DHX32: variants seen among roughly 807,000 people sequenced by gnomAD.
DHX32 encodes DEAH-box helicase 32 (putative).
A neutral mutation model predicts 70.0 loss-of-function variants in DHX32; 51 were observed. That is an observed-to-expected ratio of 0.73 (90% CI 0.58 to 0.92). The LOEUF (loss-of-function observed/expected upper bound fraction) is 0.92. Among genes scored for constraint, DHX32 ranks in the 40% least tolerant of loss-of-function variants. The probability of loss-of-function intolerance (pLI) is 0.00; values close to 1 mark genes in which losing one functional copy is unlikely to be tolerated. For synonymous variants in DHX32, 310 were observed against 315.3 expected (o/e 0.98, Z 0.18); for missense variants, 762 against 891.8 (o/e 0.85, Z 1.85).
chr10:125,889,692 T>C (rs548125911), intron 1 of DHX32, among the ~76,000 whole-genome samples: 1 of 152,294 alleles, frequency 6.6e-6, no homozygotes, highest in Admixed American at 6.5e-5. Context: ...GGCCACACTT[T>C]TGAGAAGCCT....
At chr10:125,884,857 A>C (rs1944334091), upstream of DHX32, among the ~76,000 whole-genome samples, 1 of 152,058 alleles carries the variant, frequency 6.6e-6, no homozygotes, top group Admixed American at 6.6e-5. Flanking sequence ...CAAATACATA[A>C]TTTTAGCACT....
At chr10:125,850,744 C>T (rs965521667) in intron 6 of DHX32, among the ~76,000 whole-genome samples, 9 of 152,214 alleles carry the variant, frequency 5.9e-5, no homozygotes, top group African/African-American at 1.9e-4. Flanking sequence ...GTTCACTTTT[C>T]TTTTCATAAT....
intron 6 of DHX32, among the ~76,000 whole-genome samples, chr10:125,850,341 CTTT>C (rs1564825643): frequency 6.8e-6 from 1 of 146,874 alleles, no homozygotes; most frequent in African/African-American, 2.5e-5. Flanking sequence ...CTTTGACTTT[CTTT>C]TCTTTCTTTC....
At chr10:125,877,106 T>C (rs115672188) in intron 1 of DHX32, among the ~76,000 whole-genome samples, 2,630 of 152,284 alleles carry the variant, frequency 0.017, 86 homozygotes, top group African/African-American at 0.06. Flanking sequence ...GGAATCTGGG[T>C]GAACAACATA....
intron 1 of DHX32, among the ~76,000 whole-genome samples, chr10:125,890,902 C>G (rs1471532389): frequency 6.6e-6 from 1 of 152,032 alleles, no homozygotes; most frequent in East Asian, 1.9e-4. Flanking sequence ...GAGACCCCGT[C>G]TCACTTAAAA....
rs751339860 is a variant in DHX32 at position 125,866,940 on chromosome 10, C to T, written c.476+50G>A. ...ATAATGCTCCTTCAGAATTGTAGAA[C>T]CTAAGCCAAGAATCATCAGCAGGGA... On this transcript the variant is annotated intron_variant, in intron 2 of 10. Coordinates refer to ENST00000284690, the MANE Select transcript of DHX32 (RefSeq NM_018180.3). This position sits in a 1 kb window ranked among gnomAD's most constrained non-coding sequence, Gnocchi z 4.8. 6.4e-7 allele frequency: 1 copy of T among 1,564,482 alleles called. No homozygotes were observed. Among genetic ancestry groups the T allele is most frequent in the South Asian group, 1.2e-5 (1 of 83,830 alleles).
chr10:125,849,030 T>C (rs118158476), intron 6 of DHX32, among the ~76,000 whole-genome samples: 10 of 152,280 alleles, frequency 6.6e-5, no homozygotes, highest in Non-Finnish European at 1.3e-4. Flanking sequence ...ATGGGGACCA[T>C]CTACCCCAGT....
At chr10:125,854,296 T>A in intron 3 of DHX32, 93 bp from the exon 4 acceptor site, 1 of 1,282,680 alleles carries the variant, frequency 7.8e-7, no homozygotes, top group Non-Finnish European at 1.0e-6. Flanking sequence ...TAGGCAATAC[T>A]ACGTAACAGA....
intron 1 of DHX32, among the ~76,000 whole-genome samples, chr10:125,891,717 G>A (rs796937581): frequency 6.6e-6 from 1 of 152,312 alleles, no homozygotes; most frequent in South Asian, 2.1e-4. Context: ...GTGGCTAGAG[G>A]AAAATATAAT....
chr10:125,843,314 A>T (rs1374654761), intron 6 of DHX32, among the ~76,000 whole-genome samples: 1 of 152,190 alleles, frequency 6.6e-6, no homozygotes, highest in Non-Finnish European at 1.5e-5. Flanking sequence ...AACTTTGATC[A>T]TTAAGCTCTA....
chr10:125,857,164 T>C (rs977011987), intron 3 of DHX32, among the ~76,000 whole-genome samples: 2 of 152,134 alleles, frequency 1.3e-5, no homozygotes, highest in Admixed American at 1.3e-4. Flanking sequence ...CAAATCCCAA[T>C]CCATAAGAGA....
At chr10:125,846,064 A>G (rs930965359) in intron 6 of DHX32, among the ~76,000 whole-genome samples, 2 of 152,196 alleles carry the variant, frequency 1.3e-5, no homozygotes, top group Non-Finnish European at 2.9e-5. Context: ...GCCTTTGCTC[A>G]TGTTCTGGGG....
At chr10:125,841,506 C>T (rs2134027282) in intron 7 of DHX32, 2 of 1,438,570 alleles carry the variant, frequency 1.4e-6, no homozygotes. Flanking sequence ...TGTTTTCATA[C>T]ATCTGATGTA....
intron 1 of DHX32, among the ~76,000 whole-genome samples, chr10:125,870,344 T>G: frequency 6.6e-6 from 1 of 152,180 alleles, no homozygotes; most frequent in East Asian, 1.9e-4. Context: ...ACACCCTCAT[T>G]TGATGCATGA....
chr10:125,868,125 G>A (rs1459354541), intron 1 of DHX32, among the ~76,000 whole-genome samples: 1 of 152,136 alleles, frequency 6.6e-6, no homozygotes, highest in Non-Finnish European at 1.5e-5. Flanking sequence ...TTTGGAGTCA[G>A]TTCTAAGCAA....
rs777473971 is a variant in DHX32 at position 125,881,171 on chromosome 10, T to G, written c.-347A>C. 1 of 185,520 alleles carries G rather than the reference T, an allele frequency of 5.4e-6. No individual in the cohort carries two copies. Among genetic ancestry groups the G allele is most frequent in the African/African-American group, 2.3e-5 (1 of 42,746 alleles). 11.5% of individuals were successfully genotyped at this position (185,520 alleles called of 1,614,324 possible). On this transcript the variant is annotated 5_prime_UTR_variant, in exon 1 of 11. Coordinates refer to ENST00000284690, the MANE Select transcript of DHX32 (RefSeq NM_018180.3). ...TCAAATGAAAAGCATTATTTTTTTT[T>G]TTTCTGTTAACGGGTTTCTGTCATT...
intron 2 of DHX32, among the ~76,000 whole-genome samples, chr10:125,865,983 C>T (rs1483054113): frequency 2.0e-5 from 3 of 152,220 alleles, no homozygotes; most frequent in Non-Finnish European, 4.4e-5. Flanking sequence ...ACCATCCCTG[C>T]CCTGTTACAG....
chr10:125,885,498 G>A (rs1475133696), upstream of DHX32, among the ~76,000 whole-genome samples: 1 of 152,164 alleles, frequency 6.6e-6, no homozygotes, highest in Admixed American at 6.5e-5. Context: ...GAGATGCAAT[G>A]TTGTGGGCTT....
At chr10:125,863,447 T>C (rs1354262056) in intron 2 of DHX32, among the ~76,000 whole-genome samples, 3 of 151,526 alleles carry the variant, frequency 2.0e-5, no homozygotes, top group Non-Finnish European at 4.4e-5. Flanking sequence ...TAATCAATGA[T>C]CAATTTTTTT....
Sources: gnomAD v4.1 joint callset for allele counts (sites outside exome capture counted in the v4.1 genomes callset) on GRCh38, gnomAD v4.1.1 for gene constraint, Gnocchi (gnomAD v3.1) non-coding constraint, MANE v1.5 for transcripts, NCBI Gene and HGNC (gene_info 2026-07-23, HGNC 2026-07-21) for gene names.